NTM: variants seen among roughly 807,000 people sequenced by gnomAD.
NTM encodes IgLON family member 2.
Under a neutral mutation model 42.1 loss-of-function variants are expected in NTM, and 13 were observed. The ratio of observed to expected loss-of-function variants is 0.31; its 90% confidence interval spans 0.20 to 0.49. The LOEUF (loss-of-function observed/expected upper bound fraction) is 0.49, where lower values mean the gene tolerates loss of function less well. NTM is among the 20% of genes least tolerant of loss of function. The pLI is 0.99. For missense variants in NTM, 373 were observed against 452.8 expected (o/e 0.82, Z 1.60); for synonymous variants, 187 against 179.2 (o/e 1.04, Z -0.35).
At chr11:132,256,907 G>T (rs1386297284) in intron 4 of NTM, among the ~76,000 whole-genome samples, 4 of 152,174 alleles carry the variant, frequency 2.6e-5, no homozygotes, top group Non-Finnish European at 5.9e-5. Flanking sequence ...CTGCATTTCT[G>T]CAGGAGCATC....
intron 1 of NTM, among the ~76,000 whole-genome samples, chr11:131,590,052 G>T (rs1451048938): frequency 6.6e-6 from 1 of 152,200 alleles, no homozygotes; most frequent in Non-Finnish European, 1.5e-5. Context: ...TGACTCCCAG[G>T]ATAATCTGTG....
In NTM at chr11:132,146,537, G is replaced by A. The variant is rs1194884054; in HGVS notation, c.400+23G>A. The A allele has an allele frequency of 2.5e-6, 4 of 1,609,256 alleles. No homozygotes were observed. In the Admixed American group the frequency reaches 6.7e-5, roughly 27 times the overall value. ...AAGGTAGGTGGGCGGGGCTTGGCGG[G>A]GAGATCTGGCTGGCCAGCCTGGAAA... On this transcript the variant is annotated intron_variant, in intron 3 of 8. Transcript: ENST00000683400. The surrounding 1 kb of genome is among the most constrained non-coding windows in gnomAD (Gnocchi z 4.5).
chr11:131,433,011 C>T (rs554386412), intron 1 of NTM, among the ~76,000 whole-genome samples: 40 of 151,690 alleles, frequency 2.6e-4, no homozygotes, highest in Middle Eastern at 3.4e-3. Context: ...CCCGCCACCA[C>T]GCCCGGCTAA....
At chr11:131,624,153 T>C (rs1270682822) in intron 1 of NTM, among the ~76,000 whole-genome samples, 1 of 152,210 alleles carries the variant, frequency 6.6e-6, no homozygotes, top group Non-Finnish European at 1.5e-5. Context: ...TCCATTTTCT[T>C]GGCTCATAAG....
chr11:131,426,542 T>A (rs1948151908), intron 1 of NTM, among the ~76,000 whole-genome samples: 3 of 152,226 alleles, frequency 2.0e-5, no homozygotes, highest in Non-Finnish European at 4.4e-5. Flanking sequence ...AAATCAGATC[T>A]AATCTCTTTG....
intron 1 of NTM, among the ~76,000 whole-genome samples, chr11:131,667,161 G>T (rs1447239149): frequency 1.3e-5 from 2 of 152,108 alleles, no homozygotes; most frequent in African/African-American, 4.8e-5. Context: ...TCATTTAAAA[G>T]CTTCTTTTTC....
At chr11:131,777,466 T>G (rs2087231374) in intron 1 of NTM, among the ~76,000 whole-genome samples, 1 of 111,804 alleles carries the variant, frequency 8.9e-6, no homozygotes, top group Admixed American at 1.3e-4. Flanking sequence ...GCAATCCTAG[T>G]GTGAGTCTAC....
intron 2 of NTM, among the ~76,000 whole-genome samples, chr11:132,044,009 T>A (rs2077561080): frequency 6.6e-6 from 1 of 151,182 alleles, no homozygotes; most frequent in Non-Finnish European, 1.5e-5. Flanking sequence ...TATGTGTATG[T>A]GTGTGTATAT....
At chr11:132,199,983 C>T (rs1263919385) in intron 3 of NTM, among the ~76,000 whole-genome samples, 3 of 152,220 alleles carry the variant, frequency 2.0e-5, no homozygotes, top group African/African-American at 7.2e-5. Context: ...TCCCCAACTG[C>T]ACTGCCTCAC....
intron 1 of NTM, among the ~76,000 whole-genome samples, chr11:131,802,163 G>C (rs571434075): frequency 6.6e-6 from 1 of 152,234 alleles, no homozygotes; most frequent in African/African-American, 2.4e-5. Context: ...TCCTAAATTA[G>C]AGAATCATAG....
intron 1 of NTM, among the ~76,000 whole-genome samples, chr11:131,470,654 C>T (rs554747121): frequency 2.0e-5 from 3 of 152,296 alleles, no homozygotes; most frequent in South Asian, 4.1e-4. Context: ...CTTCGAGGCT[C>T]TCCTCTGGGA....
intron 1 of NTM, among the ~76,000 whole-genome samples, chr11:131,831,907 TTC>T (rs199975618): frequency 0.025 from 3,670 of 149,236 alleles, 130 homozygotes; most frequent in African/African-American, 0.083. Context: ...AAGTAATTAA[TTC>T]TCCCAACATT....
intron 4 of NTM, among the ~76,000 whole-genome samples, chr11:132,241,458 C>T (rs1323082035): frequency 6.6e-6 from 1 of 152,122 alleles, no homozygotes; most frequent in Non-Finnish European, 1.5e-5. Context: ...CTCATCCCCC[C>T]CAGCAATACA....
chr11:132,016,005 A>C (rs187133010), intron 2 of NTM, among the ~76,000 whole-genome samples: 64 of 151,964 alleles, frequency 4.2e-4, no homozygotes, highest in Non-Finnish European at 8.2e-4. Flanking sequence ...CAGTTCTGAG[A>C]GGAAAGGCTG....
intron 1 of NTM, among the ~76,000 whole-genome samples, chr11:131,593,053 C>A (rs1279251128): frequency 2.0e-5 from 3 of 152,204 alleles, no homozygotes; most frequent in Admixed American, 2.0e-4. Context: ...CAAGCAGTTG[C>A]CCTTGTGAGT....
chr11:132,149,847 G>C (rs939852945), intron 3 of NTM, among the ~76,000 whole-genome samples: 1 of 151,966 alleles, frequency 6.6e-6, no homozygotes, highest in Non-Finnish European at 1.5e-5. Context: ...TACTTGCCAG[G>C]GTGGCTATTT....
At chr11:131,939,786 T>A (rs1023531104) in intron 2 of NTM, among the ~76,000 whole-genome samples, 2 of 152,194 alleles carry the variant, frequency 1.3e-5, no homozygotes, top group African/African-American at 4.8e-5. Flanking sequence ...GAAGTGGATT[T>A]TCAAGATTCT....
At chr11:132,160,258 G>T (rs776364241) in intron 3 of NTM, among the ~76,000 whole-genome samples, 5 of 152,088 alleles carry the variant, frequency 3.3e-5, no homozygotes, top group Non-Finnish European at 5.9e-5. Context: ...AATTTTTCGT[G>T]CAAAAAAGCT....
intron 1 of NTM, among the ~76,000 whole-genome samples, chr11:131,664,997 G>T (rs144150821): frequency 6.6e-6 from 1 of 152,106 alleles, no homozygotes; most frequent in African/African-American, 2.4e-5. Flanking sequence ...CAGAACCCGC[G>T]GAACTGCTTC....
Sources: allele counts gnomAD v4.1 joint callset (sites outside exome capture counted in the v4.1 genomes callset), GRCh38; gene constraint gnomAD v4.1.1; non-coding constraint Gnocchi (gnomAD v3.1); transcripts MANE v1.5; gene names NCBI Gene and HGNC (gene_info 2026-07-23, HGNC 2026-07-21).